Variants in FMOD observed in about 807,000 individuals in gnomAD.
FMOD encodes fibromodulin.
Under a neutral mutation model 27.0 loss-of-function variants are expected in FMOD, and 15 were observed. The ratio of observed to expected loss-of-function variants is 0.55; its 90% CI spans 0.37 to 0.85. The LOEUF is 0.85. Ranked by LOEUF, FMOD falls within the 40% of genes least tolerant of loss-of-function variation. The pLI, the probability that FMOD is intolerant of heterozygous loss-of-function variation, is 0.00. For synonymous variants in FMOD, 210 were observed against 214.0 expected (o/e 0.98, Z 0.16); for missense variants, 460 against 483.2 (o/e 0.95, Z 0.45).
intron 2 of FMOD, among the ~76,000 whole-genome samples, chr1:203,343,633 C>T (rs1658837917): frequency 6.6e-6 from 1 of 152,194 alleles, no homozygotes; most frequent in South Asian, 2.1e-4. Flanking sequence ...CTGGGGCTTG[C>T]TGTTGTACCA....
In FMOD at chr1:203,348,080, G is replaced by A. The variant is rs114312865; in HGVS notation, c.191C>T (p.Thr64Ile). ...PYGVDEGPAYTYGSPSPPDPR... is the reference protein window; with the variant it reads ...PYGVDEGPAYIYGSPSPPDPR... The stretch of plus-strand genomic sequence containing the variant: ...ATCTGGAGGGGATGGAGAGCCGTAG[G>A]TGTAGGCTGGCCCTTCATCCACCCC... The change falls in exon 2 of 3, where the codon ACC (threonine) becomes ATC (isoleucine). Residue 64 changes from threonine to isoleucine, a missense_variant. Physicochemically the swap from Thr to Ile is moderately conservative, Grantham distance 89. Transcript: ENST00000354955. 462 of 1,614,116 alleles carry A rather than the reference G, an allele frequency of 2.9e-4. No homozygotes were observed. In the African/African-American group the frequency reaches 4.4e-3, roughly 15 times the overall value.
Position 203,349,189 on chromosome 1 carries a change from T to C in FMOD, c.-7-912A>G, listed in dbSNP as rs192071928. ...CACCATGGGCATCATGCAAGAGCCA[T>C]GTGGGGCCAAGAGAAATGAATGAGG... is the stretch of plus-strand genomic sequence containing the variant. On this transcript the variant is annotated intron_variant, in intron 1 of 2. Coordinates refer to ENST00000354955, the MANE Select transcript of FMOD (RefSeq NM_002023.5). Among the ~76,000 whole-genome samples, 20 of 152,298 alleles carry C rather than the reference T, an allele frequency of 1.3e-4. No homozygotes were observed. In the East Asian group the frequency reaches 2.5e-3, roughly 19 times the overall value.
In FMOD at chr1:203,345,867, C is replaced by T. The variant is rs183943815; in HGVS notation, c.979+1425G>A. Among the ~76,000 whole-genome samples, 463 of 140,038 alleles carry T rather than the reference C, an allele frequency of 3.3e-3. 4 individuals are homozygous for T. The highest frequency in any genetic ancestry group is 5.6e-3 in the Non-Finnish European group (371 of 65,818). 91.9% of individuals were successfully genotyped at this position (140,038 alleles called of 152,430 possible). ...GAGCTGAGATCATGCCACTGCACTC[C>T]GGCCTGGGTGACAGAGCGAGACTCT... is the stretch of plus-strand genomic sequence containing the variant. On this transcript the variant is annotated intron_variant, in intron 2 of 2. Coordinates refer to ENST00000354955, the MANE Select transcript of FMOD (RefSeq NM_002023.5).
rs1177992789 is a variant in FMOD at position 203,347,846 on chromosome 1, G to T, written c.425C>A (p.Thr142Asn). The T allele has an allele frequency of 6.2e-7, 1 of 1,614,166 alleles. No homozygotes were observed. The highest frequency in any genetic ancestry group is 1.7e-5 in the Admixed American group (1 of 60,014). ...LWIALHGNQI[T>N]SDKVGRKVFS... ...GACCTTCCTGCCCACCTTATCACTG[G>T]TGATCTGGTTGCCGTGGAGAGCAAT... Residue 142 changes from threonine (T) to asparagine (N), a missense_variant, in exon 2 of 3, where the codon ACC (threonine) becomes AAC (asparagine). Physicochemically the swap from Thr to Asn is moderately conservative, Grantham distance 65. Transcript: ENST00000354955.
At position 203,342,174 on chromosome 1, in the gene FMOD, C is replaced by T; in HGVS notation, c.*169G>A. The T allele has an allele frequency of 1.4e-6, 1 of 710,032 alleles. No homozygotes were observed. 44.0% of individuals were successfully genotyped at this position (710,032 alleles called of 1,614,324 possible). ...TGCCTATGTCCTCAGCAGAAGGCTG[C>T]CTGTCCCTGATCGCCCCCCCTAACC... On this transcript the variant is annotated 3_prime_UTR_variant, in exon 3 of 3. Coordinates refer to ENST00000354955, the MANE Select transcript of FMOD (RefSeq NM_002023.5).
Position 203,348,233 on chromosome 1 carries a change from A to G in FMOD, c.38T>C (p.Phe13Ser). The G allele has an allele frequency of 6.2e-7, 1 of 1,614,082 alleles. No homozygotes were observed. The highest frequency in any genetic ancestry group is 2.2e-5 in the East Asian group (1 of 44,884). Residue 13 changes from phenylalanine (F) to serine (S), a missense_variant, in exon 2 of 3, where the codon TTC becomes TCC. Transcript: ENST00000354955. Reference protein sequence around the residue: ...WTSLLLLAGLFSLSQAQYEDD... With the variant: ...WTSLLLLAGLSSLSQAQYEDD... ...TTCATACTGGGCCTGGGAGAGGGAG[A>G]AGAGCCCTGCCAGCAGCAGGAGGGA...
Position 203,348,026 on chromosome 1 carries a change from C to G in FMOD, c.245G>C (p.Cys82Ser), listed in dbSNP as rs2102304794. ...DPRDCPQECD[C>S]PPNFPTAMYC... ...CATGGCCGTGGGGAAGTTGGGTGGG[C>G]AGTCGCACTCCTGGGGGCAGTCGCG... The change falls in exon 2 of 3, where the codon TGC becomes TCC. Residue 82 changes from cysteine to serine, a missense_variant. Transcript: ENST00000354955. 1 of 1,609,604 alleles carries G rather than the reference C, an allele frequency of 6.2e-7. No individual in the cohort carries two copies. Among genetic ancestry groups the G allele is most frequent in the South Asian group, 1.1e-5 (1 of 90,518 alleles).
chr1:203,347,705 G>A lies in FMOD; in HGVS notation c.566C>T (p.Ser189Leu), dbSNP rs1658914836. 1.2e-6 allele frequency: 2 copies of A among 1,614,090 alleles called. No homozygotes were observed. The highest frequency in any genetic ancestry group is 1.7e-6 in the Non-Finnish European group (2 of 1,180,042). The change falls in exon 2 of 3, where the codon TCA becomes TTA. Residue 189 changes from serine to leucine, a missense_variant. By Grantham distance (145) the Ser-to-Leu change is moderately radical. Coordinates refer to ENST00000354955, the MANE Select transcript of FMOD (RefSeq NM_002023.5). ...RELHLDHNQI[S>L]RVPNNALEGL... ...CTCCAGAGCATTGTTGGGGACCCGT[G>A]AGATCTGGTTGTGGTCGAGATGGAG...
chr1:203,343,017 T>C (rs1339519715), intron 2 of FMOD, among the ~76,000 whole-genome samples: 5 of 152,092 alleles, frequency 3.3e-5, no homozygotes, highest in Non-Finnish European at 5.9e-5. Flanking sequence ...GAGACAAGTG[T>C]CTTTGTGTGC....
In FMOD at chr1:203,348,273, T is replaced by A; in HGVS notation, c.-3A>T. 1 of 1,611,870 alleles carries A rather than the reference T, an allele frequency of 6.2e-7. No individual in the cohort carries two copies. The highest frequency in any genetic ancestry group is 8.5e-7 in the Non-Finnish European group (1 of 1,178,860). On this transcript the variant is annotated 5_prime_UTR_variant, in exon 2 of 3. Transcript: ENST00000354955. The stretch of plus-strand genomic sequence containing the variant: ...AGCAGGAGGGAGGTCCACTGCATTT[T>A]GTCTCTGCAAGAAGCGGGAGAGAAC...
Position 203,347,435 on chromosome 1 carries a change from C to CTGT in FMOD, c.833_835dup (p.Asn278dup), listed in dbSNP as rs763935937. ...GGAGGCCAGGCCATTGTTGGTTAGACTGTTGTGGGACAGCCGCACATACAG... is the reference window on the plus strand; with the variant it reads ...GGAGGCCAGGCCATTGTTGGTTAGACTGTTGTTGTGGGACAGCCGCACATACAG... On this transcript the variant is annotated inframe_insertion, in exon 2 of 3. Coordinates refer to ENST00000354955, the MANE Select transcript of FMOD (RefSeq NM_002023.5). The CTGT allele has an allele frequency of 6.2e-7, 1 of 1,614,182 alleles. No homozygotes were observed.
intron 2 of FMOD, among the ~76,000 whole-genome samples, chr1:203,346,779 C>T (rs1195830199): frequency 2.6e-5 from 4 of 152,308 alleles, no homozygotes; most frequent in Admixed American, 2.6e-4. Context: ...GGCTTCAACC[C>T]ACCATTCTCC....
rs2102300201 is a variant in FMOD at position 203,341,607 on chromosome 1, G to A, written c.*736C>T. ...AATATAGCCCTATACATTGATCTAAGCCTGAGGTTGGCTGTCTCCTCCCAC... is the reference window on the plus strand; with the variant it reads ...AATATAGCCCTATACATTGATCTAAACCTGAGGTTGGCTGTCTCCTCCCAC... On this transcript the variant is annotated 3_prime_UTR_variant, in exon 3 of 3. Transcript: ENST00000354955. 1 of 152,314 alleles carries A rather than the reference G, an allele frequency of 6.6e-6. No homozygotes were observed. Among genetic ancestry groups the A allele is most frequent in the South Asian group, 2.1e-4 (1 of 4,820 alleles). 9.4% of individuals were successfully genotyped at this position (152,314 alleles called of 1,614,324 possible).
chr1:203,348,932 T>A (rs908560230), intron 1 of FMOD, among the ~76,000 whole-genome samples: 1 of 152,242 alleles, frequency 6.6e-6, no homozygotes, highest in Non-Finnish European at 1.5e-5. Flanking sequence ...AGTGCCATCA[T>A]CTGTAACAGT....
chr1:203,342,159 C>A lies in FMOD; in HGVS notation c.*184G>T. On this transcript the variant is annotated 3_prime_UTR_variant, in exon 3 of 3. Transcript: ENST00000354955. ...AAAAGAGTGAGCTTCTGCCTATGTCCTCAGCAGAAGGCTGCCTGTCCCTGA... is the reference window on the plus strand; with the variant it reads ...AAAAGAGTGAGCTTCTGCCTATGTCATCAGCAGAAGGCTGCCTGTCCCTGA... The A allele has an allele frequency of 1.6e-6, 1 of 619,650 alleles. No individual in the cohort carries two copies. The highest frequency in any genetic ancestry group is 2.3e-5 in the South Asian group (1 of 43,086). The allele number at this position is 619,650 out of a possible 1,614,324, so 38.4% of individuals were successfully genotyped here.
intron 2 of FMOD, among the ~76,000 whole-genome samples, chr1:203,346,578 T>G (rs1034320889): frequency 6.6e-6 from 1 of 151,596 alleles, no homozygotes; most frequent in African/African-American, 2.4e-5. Context: ...GTAGTCAGGC[T>G]CATGTTACCC....
chr1:203,346,604 C>T lies in FMOD; in HGVS notation c.979+688G>A, dbSNP rs554820872. ...CATGTTACCCTAGGAAGGATATCTG[C>T]CCTGCCACCAGGGGGTCCTTGTACT... On this transcript the variant is annotated intron_variant, in intron 2 of 2. Coordinates refer to ENST00000354955, the MANE Select transcript of FMOD (RefSeq NM_002023.5). Among the ~76,000 whole-genome samples the T allele has an allele frequency of 2.0e-5, 3 of 151,928 alleles. No homozygotes were observed. In the South Asian group the frequency reaches 6.3e-4, roughly 32 times the overall value.
intron 2 of FMOD, among the ~76,000 whole-genome samples, chr1:203,343,081 G>A (rs1054470023): frequency 2.0e-5 from 3 of 152,330 alleles, no homozygotes; most frequent in Admixed American, 2.0e-4. Flanking sequence ...AGAGCAGTGA[G>A]CAAGGCTCTG....
chr1:203,348,742 A>G (rs1337368543), intron 1 of FMOD, among the ~76,000 whole-genome samples: 1 of 152,240 alleles, frequency 6.6e-6, no homozygotes, highest in Non-Finnish European at 1.5e-5. Context: ...CTAAGAGTCC[A>G]AGGAGAAAGC....
Sources: allele counts gnomAD v4.1 joint callset (sites outside exome capture counted in the v4.1 genomes callset), GRCh38; gene constraint gnomAD v4.1.1; transcripts MANE v1.5; gene names NCBI Gene and HGNC (gene_info 2026-07-23, HGNC 2026-07-21).